The following EWSR1 variants were observed in gnomAD, a reference collection of about 807,000 sequenced individuals.
EWSR1 encodes the protein EWS RNA binding protein 1, also known as RNA-binding protein EWS.
Under a neutral mutation model 92.1 loss-of-function variants are expected in EWSR1, and 14 were observed. That is an observed-to-expected ratio of 0.15 (90% CI 0.10 to 0.24). The LOEUF (loss-of-function observed/expected upper bound fraction) is 0.24. Among genes scored for constraint, EWSR1 ranks in the 10% least tolerant of loss-of-function variants. The pLI, the probability that EWSR1 is intolerant of heterozygous loss-of-function variation, is 1.00. For missense variants in EWSR1, 637 were observed against 870.9 expected (o/e 0.73, Z 3.38); for synonymous variants, 303 against 292.9 (o/e 1.03, Z -0.35).
chr22:29,296,157 AC>A (rs1261977307), intron 11 of EWSR1, 81 bp from the exon 12 acceptor site: 2 of 1,409,660 alleles, frequency 1.4e-6, no homozygotes, highest in Admixed American at 4.2e-5. Context: ...AGAAATTGGT[AC>A]TTTTCCTGGA....
intron 11 of EWSR1, among the ~76,000 whole-genome samples, chr22:29,294,891 G>C (rs997081686): frequency 6.6e-6 from 1 of 150,684 alleles, no homozygotes; most frequent in Admixed American, 6.6e-5. Flanking sequence ...CCAGCCTGGC[G>C]ACAGAGCAAG....
chr22:29,291,684 A>G lies in EWSR1; in HGVS notation c.1012+85A>G, dbSNP rs1470347662. ...AAACTATAATTTTTTTATTAGTTTCATAAGTGGTTTAAAAATGATCTATAC... is the reference window on the plus strand; with the variant it reads ...AAACTATAATTTTTTTATTAGTTTCGTAAGTGGTTTAAAAATGATCTATAC... On this transcript the variant is annotated intron_variant, in intron 9 of 16. Transcript: ENST00000397938. 3.8e-6 allele frequency: 5 copies of G among 1,303,496 alleles called. No homozygotes were observed. The East Asian group carries it at 1.0e-4, about 26-fold the overall frequency. The allele number at this position is 1,303,496 out of a possible 1,614,324, so 80.7% of individuals were successfully genotyped here.
intron 1 of EWSR1, among the ~76,000 whole-genome samples, chr22:29,270,556 G>A (rs2058590239): frequency 6.6e-6 from 1 of 152,232 alleles, no homozygotes; most frequent in South Asian, 2.1e-4. Flanking sequence ...TAGCCCACCA[G>A]TTAGTATAGG....
chr22:29,276,582 T>A (rs2059142107), intron 4 of EWSR1: 1 of 226,760 alleles, frequency 4.4e-6, no homozygotes, highest in Non-Finnish European at 8.8e-6. Flanking sequence ...GCAGTCTTGA[T>A]TCAGGATTTA....
intron 8 of EWSR1, 153 bp downstream of exon 8, chr22:29,288,939 A>G (rs1424533449): frequency 1.4e-5 from 10 of 725,130 alleles, no homozygotes; most frequent in Non-Finnish European, 2.1e-5. Context: ...TGGAAATGTC[A>G]TCTTTGTGGC....
intron 4 of EWSR1, chr22:29,275,779 C>T (rs2059062581): frequency 4.3e-6 from 1 of 229,978 alleles, no homozygotes; most frequent in African/African-American, 2.2e-5. Context: ...ATATAAACCT[C>T]AATTCAATGG....
intron 4 of EWSR1, chr22:29,274,140 G>C: frequency 9.6e-7 from 1 of 1,043,386 alleles, no homozygotes; most frequent in Non-Finnish European, 1.5e-6. Context: ...AAAAGATTTT[G>C]CTAATGCTAA....
intron 4 of EWSR1, 31 bp downstream of exon 4, chr22:29,273,895 C>G (rs767465663): frequency 6.2e-7 from 1 of 1,612,180 alleles, no homozygotes; most frequent in African/African-American, 1.3e-5. Context: ...ATTTTTGGGT[C>G]GTTCTGGCTA....
At chr22:29,277,559 T>C (rs2059221601) in intron 4 of EWSR1, 2 of 229,422 alleles carry the variant, frequency 8.7e-6, no homozygotes, top group Non-Finnish European at 1.7e-5. Context: ...CTAGAACTAG[T>C]ACCTGGATCA....
At position 29,299,723 on chromosome 22, in the gene EWSR1, T is replaced by C; in HGVS notation, c.1803T>C (p.Gly601=). The part of the protein sequence containing the change: ...GRGGDRGGFR[G]GRGMDRGGFG... ...GTGGAGACAGAGGTGGCTTCCGTGG[T>C]GGCCGGGGCATGGACCGAGGTGGCT... Residue 601 remains glycine, a synonymous_variant, in exon 16 of 17, where the codon GGT becomes GGC. Coordinates refer to ENST00000397938, the MANE Select transcript of EWSR1 (RefSeq NM_005243.4). The C allele has an allele frequency of 6.2e-7, 1 of 1,612,098 alleles. No individual in the cohort carries two copies. The highest frequency in any genetic ancestry group is 1.1e-5 in the South Asian group (1 of 90,802).
intron 5 of EWSR1, among the ~76,000 whole-genome samples, 190 bp downstream of exon 5, chr22:29,278,406 G>C (rs2059286530): frequency 1.3e-5 from 2 of 152,232 alleles, no homozygotes; most frequent in African/African-American, 4.8e-5. Flanking sequence ...AGTGAAATTG[G>C]CTGGGCGCGG....
intron 7 of EWSR1, among the ~76,000 whole-genome samples, chr22:29,288,268 T>G (rs556371141): frequency 1.3e-5 from 2 of 152,356 alleles, no homozygotes; most frequent in East Asian, 3.9e-4. Flanking sequence ...TGGCTCTGTT[T>G]TCATTTCTTG....
rs1201506820 is a variant in EWSR1, at chr22:29,278,152, G to A, written c.349G>A (p.Ala117Thr). The change falls in exon 5 of 17, where the codon GCA (alanine) becomes ACA (threonine). Residue 117 changes from alanine to threonine, a missense_variant. Coordinates refer to ENST00000397938, the MANE Select transcript of EWSR1 (RefSeq NM_005243.4). Reference protein sequence around the residue: ...TTQASYAAQSAYGTQPAYPAY... With the variant: ...TTQASYAAQSTYGTQPAYPAY... ...CCAGGCCTCCTATGCAGCTCAGTCTGCATATGGCACTCAGCCTGCTTATCC... is the reference window on the plus strand; with the variant it reads ...CCAGGCCTCCTATGCAGCTCAGTCTACATATGGCACTCAGCCTGCTTATCC... The A allele has an allele frequency of 1.9e-6, 3 of 1,614,066 alleles. No homozygotes were observed. Among genetic ancestry groups the A allele is most frequent in the Non-Finnish European group, 8.5e-7 (1 of 1,180,044 alleles).
At chr22:29,290,992 A>G (rs1461091102) in intron 8 of EWSR1, 1 of 237,162 alleles carries the variant, frequency 4.2e-6, no homozygotes, top group Non-Finnish European at 8.3e-6. Context: ...CTCCTTTCAC[A>G]GCGATTGTTA....
chr22:29,282,867 A>G (rs916120039), intron 6 of EWSR1, among the ~76,000 whole-genome samples: 1 of 147,802 alleles, frequency 6.8e-6, no homozygotes, highest in African/African-American at 2.5e-5. Flanking sequence ...GGTTCACGCC[A>G]TTCTCCTGCC....
rs758846327 is a variant in EWSR1, at chr22:29,268,368, C to G, written c.13+19C>G. The G allele has an allele frequency of 1.9e-6, 3 of 1,613,882 alleles. No homozygotes were observed. Among genetic ancestry groups the G allele is most frequent in the African/African-American group, 1.3e-5 (1 of 74,946 alleles). On this transcript the variant is annotated intron_variant, in intron 1 of 16. Coordinates refer to ENST00000397938, the MANE Select transcript of EWSR1 (RefSeq NM_005243.4). Reference sequence around the variant, plus strand: ...TCCACGGGTGAGTATGGTGGAACTGCGGTCGCGCCGGCGGTAGCCGGAACG... The same window carrying G: ...TCCACGGGTGAGTATGGTGGAACTGGGGTCGCGCCGGCGGTAGCCGGAACG...
chr22:29,289,284 T>G lies in EWSR1; in HGVS notation c.974+498T>G, dbSNP rs1602445119. On this transcript the variant is annotated intron_variant, in intron 8 of 16. Transcript: ENST00000397938. ...GATTTTGGTCCCATAATCCTTAAAC[T>G]ATAGCCTGAGGTGCACCTGATTACA... is the stretch of plus-strand genomic sequence containing the variant. 15 of 232,032 alleles carry G rather than the reference T, an allele frequency of 6.5e-5. No homozygotes were observed. The East Asian group carries it at 9.2e-4, about 14-fold the overall frequency. The allele number at this position is 232,032 out of a possible 1,614,324, so 14.4% of individuals were successfully genotyped here. A position where few individuals can be genotyped will look rare whatever the true frequency, so the allele number is the denominator to read the frequency against.
chr22:29,268,314 A>G lies in EWSR1; in HGVS notation c.-23A>G, dbSNP rs1443459672. On this transcript the variant is annotated 5_prime_UTR_variant, in exon 1 of 17. Transcript: ENST00000397938. ...AAGCGAGAGGGAGACGGACGTTGAGAGAACGAGGAGGAAGGAGAGAAAATG... is the reference window on the plus strand; with the variant it reads ...AAGCGAGAGGGAGACGGACGTTGAGGGAACGAGGAGGAAGGAGAGAAAATG... 8.1e-6 allele frequency: 13 copies of G among 1,613,500 alleles called. No homozygotes were observed. The highest frequency in any genetic ancestry group is 1.0e-5 in the Non-Finnish European group (12 of 1,179,450).
chr22:29,277,392 C>CA (rs546777035), intron 4 of EWSR1: 3 of 222,000 alleles, frequency 1.4e-5, no homozygotes, highest in Non-Finnish European at 2.7e-5. Flanking sequence ...AAATAATTTA[C>CA]AAAAAAAGGA....
Sources: gnomAD v4.1 joint callset for allele counts (sites outside exome capture counted in the v4.1 genomes callset) on GRCh38, gnomAD v4.1.1 for gene constraint, MANE v1.5 for transcripts, NCBI Gene and HGNC (gene_info 2026-07-23, HGNC 2026-07-21) for gene names.